HS6ST3: variants seen among roughly 807,000 people sequenced by gnomAD.
HS6ST3 encodes heparan sulfate 6-O-sulfotransferase 3.
In HS6ST3, 12 loss-of-function variants were observed where a neutral mutation model predicts 36.7. That is an observed-to-expected ratio of 0.33 (90% CI 0.21 to 0.53). The LOEUF (loss-of-function observed/expected upper bound fraction) is 0.53. HS6ST3 is among the 20% of genes least tolerant of loss of function. HS6ST3 has a pLI of 0.95. For synonymous variants in HS6ST3, 240 were observed against 257.5 expected (o/e 0.93, Z 0.65); for missense variants, 584 against 640.9 (o/e 0.91, Z 0.96).
At chr13:96,156,386 G>A (rs1433285198) in intron 1 of HS6ST3, among the ~76,000 whole-genome samples, 1 of 152,168 alleles carries the variant, frequency 6.6e-6, no homozygotes, top group Admixed American at 6.5e-5. Flanking sequence ...AGTGAGGCAG[G>A]CATTTCTAGG....
chr13:96,723,108 C>G (rs1422150457), intron 1 of HS6ST3, among the ~76,000 whole-genome samples: 1 of 152,070 alleles, frequency 6.6e-6, no homozygotes, highest in African/African-American at 2.4e-5. Flanking sequence ...ATCCTCTTCT[C>G]TCTTGATGGC....
At chr13:96,540,066 A>G (rs2056171982) in intron 1 of HS6ST3, among the ~76,000 whole-genome samples, 1 of 152,214 alleles carries the variant, frequency 6.6e-6, no homozygotes, top group African/African-American at 2.4e-5. Context: ...CTAAAACCCC[A>G]TCTCTACAGA....
chr13:96,131,077 T>G (rs1368650022), intron 1 of HS6ST3, among the ~76,000 whole-genome samples: 2 of 152,190 alleles, frequency 1.3e-5, no homozygotes, highest in African/African-American at 4.8e-5. Context: ...GTGTACTGTT[T>G]CTGATCTTTC....
At chr13:96,099,898 G>T (rs1194100826) in intron 1 of HS6ST3, among the ~76,000 whole-genome samples, 6 of 152,132 alleles carry the variant, frequency 3.9e-5, no homozygotes, top group African/African-American at 1.4e-4. Flanking sequence ...TGAAAATATA[G>T]ACCTAGAAAG....
intron 1 of HS6ST3, among the ~76,000 whole-genome samples, chr13:96,132,283 A>G (rs1053357649): frequency 2.0e-5 from 3 of 152,130 alleles, no homozygotes; most frequent in Non-Finnish European, 4.4e-5. Flanking sequence ...TATATTTTCA[A>G]TATATTGATT....
chr13:96,201,501 A>G (rs1175617769), intron 1 of HS6ST3, among the ~76,000 whole-genome samples: 4 of 152,338 alleles, frequency 2.6e-5, no homozygotes, highest in East Asian at 3.9e-4. Flanking sequence ...CTGCCATTGC[A>G]TGAATAATGT....
intron 1 of HS6ST3, among the ~76,000 whole-genome samples, chr13:96,716,602 A>G: frequency 6.6e-6 from 1 of 152,154 alleles, no homozygotes; most frequent in Non-Finnish European, 1.5e-5. Context: ...TCTATTATCT[A>G]TGATCTATCA....
chr13:96,523,393 G>A (rs2056101492), intron 1 of HS6ST3, among the ~76,000 whole-genome samples: 1 of 152,074 alleles, frequency 6.6e-6, no homozygotes, highest in African/African-American at 2.4e-5. Flanking sequence ...TGTATTTCCC[G>A]AATTTGAATG....
intron 1 of HS6ST3, among the ~76,000 whole-genome samples, chr13:96,520,622 G>A (rs1050937579): frequency 2.6e-5 from 4 of 151,768 alleles, no homozygotes; most frequent in Non-Finnish European, 5.9e-5. Context: ...TAGCAATTGT[G>A]AATGTAGCAA....
At chr13:96,727,770 T>C (rs1314147014) in intron 1 of HS6ST3, among the ~76,000 whole-genome samples, 1 of 152,172 alleles carries the variant, frequency 6.6e-6, no homozygotes, top group African/African-American at 2.4e-5. Flanking sequence ...TAAATTACTT[T>C]GTACTTCTCT....
At chr13:96,160,996 T>C (rs1274670400) in intron 1 of HS6ST3, among the ~76,000 whole-genome samples, 1 of 152,170 alleles carries the variant, frequency 6.6e-6, no homozygotes, top group Non-Finnish European at 1.5e-5. Context: ...ATTCTGTACT[T>C]CCTTAATGTT....
At chr13:96,360,518 A>T (rs941317154) in intron 1 of HS6ST3, among the ~76,000 whole-genome samples, 5 of 152,030 alleles carry the variant, frequency 3.3e-5, no homozygotes, top group African/African-American at 1.2e-4. Context: ...TCAATCACCC[A>T]CTGTCAGAAA....
At chr13:96,330,370 C>T (rs7988861) in intron 1 of HS6ST3, among the ~76,000 whole-genome samples, 52,193 of 148,278 alleles carry the variant, frequency 0.35, 9,244 homozygotes, top group African/African-American at 0.4. Flanking sequence ...TCTTTTAGGG[C>T]AGGCCTGGTG....
At chr13:96,323,462 C>T (rs2055014749) in intron 1 of HS6ST3, among the ~76,000 whole-genome samples, 1 of 152,224 alleles carries the variant, frequency 6.6e-6, no homozygotes, top group Non-Finnish European at 1.5e-5. Flanking sequence ...GTCTTCCTAA[C>T]TGCCCTCTTG....
chr13:96,162,885 C>T (rs2054142410), intron 1 of HS6ST3, among the ~76,000 whole-genome samples: 1 of 151,932 alleles, frequency 6.6e-6, no homozygotes, highest in Non-Finnish European at 1.5e-5. Context: ...TCCTTGTAAA[C>T]AGTAATGTGG....
chr13:96,431,792 C>T (rs575007657), intron 1 of HS6ST3, among the ~76,000 whole-genome samples: 51 of 152,336 alleles, frequency 3.3e-4, no homozygotes, highest in Non-Finnish European at 5.6e-4. Flanking sequence ...CGTTTGCCTA[C>T]GACATAGATC....
In HS6ST3 at chr13:96,382,016, G is replaced by A. The variant is rs559252525; in HGVS notation, c.707+290447G>A. Reference sequence around the variant, plus strand: ...AGGCTTGGTAGTATCAAGAAGGCACGGTGGCTCATGGCTCCCAAAGGAGGA... The same window carrying A: ...AGGCTTGGTAGTATCAAGAAGGCACAGTGGCTCATGGCTCCCAAAGGAGGA... On this transcript the variant is annotated intron_variant, in intron 1 of 1. Transcript: ENST00000376705. Among the ~76,000 whole-genome samples, 57 of 152,196 alleles carry A rather than the reference G, an allele frequency of 3.7e-4. No individual in the cohort carries two copies. In the South Asian group the frequency reaches 4.8e-3, roughly 13 times the overall value.
intron 1 of HS6ST3, among the ~76,000 whole-genome samples, chr13:96,419,234 A>G (rs1032751400): frequency 6.6e-6 from 1 of 152,216 alleles, no homozygotes; most frequent in African/African-American, 2.4e-5. Flanking sequence ...GTAAATCACT[A>G]ATTATGAGTT....
intron 1 of HS6ST3, among the ~76,000 whole-genome samples, chr13:96,296,611 A>G (rs1470996811): frequency 6.6e-6 from 1 of 152,106 alleles, no homozygotes; most frequent in Non-Finnish European, 1.5e-5. Context: ...AAAATTAACA[A>G]AATAATTTAC....
Sources: gnomAD v4.1 joint callset for allele counts (sites outside exome capture counted in the v4.1 genomes callset) on GRCh38, gnomAD v4.1.1 for gene constraint, MANE v1.5 for transcripts, NCBI Gene and HGNC (gene_info 2026-07-23, HGNC 2026-07-21) for gene names.